The following DMD variants were observed in gnomAD, a reference collection of about 807,000 sequenced individuals.
DMD encodes dystrophin.
DMD carries 63 observed loss-of-function variants against 330.1 expected under a neutral mutation model. The observed-to-expected ratio is 0.19, with a 90% confidence interval of 0.16 to 0.24. DMD has a LOEUF of 0.24. Among genes scored for constraint, DMD ranks in the 10% least tolerant of loss-of-function variants. The probability of loss-of-function intolerance (pLI) is 1.00; values close to 1 mark genes in which losing one functional copy is unlikely to be tolerated. For synonymous variants in DMD, 1,223 were observed against 959.8 expected (o/e 1.27, Z -5.07); for missense variants, 3,344 against 2,684.1 (o/e 1.25, Z -5.43).
chrX:31,309,957 C>T (rs900285745), intron 62 of DMD, among the ~76,000 whole-genome samples: 4 of 111,115 alleles, frequency 3.6e-5, no homozygotes, highest in Non-Finnish European at 7.5e-5. Flanking sequence ...TCTAGCCAGG[C>T]CAGGTATACC....
intron 7 of DMD, among the ~76,000 whole-genome samples, chrX:32,699,949 A>G (rs1256607112): frequency 8.9e-6 from 1 of 112,151 alleles, no homozygotes; most frequent in Non-Finnish European, 1.9e-5. Flanking sequence ...AGACAAATGT[A>G]AAAGTCCCGC....
At chrX:32,727,772 C>A (rs1298218731) in intron 7 of DMD, among the ~76,000 whole-genome samples, 1 of 108,728 alleles carries the variant, frequency 9.2e-6, no homozygotes, top group Non-Finnish European at 1.9e-5. Context: ...CACACATATA[C>A]ATATTAGCCT....
At chrX:32,427,559 T>A (rs920238586) in intron 29 of DMD, among the ~76,000 whole-genome samples, 5 of 110,788 alleles carry the variant, frequency 4.5e-5, no homozygotes, top group African/African-American at 1.6e-4. Flanking sequence ...CTTTTCCTTA[T>A]TAATTTATGA....
At chrX:31,288,144 C>T (rs1327792763) in intron 62 of DMD, among the ~76,000 whole-genome samples, 1 of 108,285 alleles carries the variant, frequency 9.2e-6, no homozygotes, top group Non-Finnish European at 1.9e-5. Context: ...AAGAAACAGA[C>T]AAAAAAAAAG....
intron 17 of DMD, among the ~76,000 whole-genome samples, chrX:32,526,447 G>A (rs1340702524): frequency 2.7e-5 from 3 of 109,317 alleles, no homozygotes. Context: ...TGGCAAAAGT[G>A]TATTACTACA....
intron 44 of DMD, among the ~76,000 whole-genome samples, chrX:32,105,751 C>T (rs1436371527): frequency 9.0e-6 from 1 of 111,331 alleles, no homozygotes; most frequent in African/African-American, 3.3e-5. Context: ...TTTGATAATC[C>T]AGCATATAAT....
chrX:32,351,341 A>G (rs908147608), intron 37 of DMD, among the ~76,000 whole-genome samples: 3 of 110,892 alleles, frequency 2.7e-5, no homozygotes, highest in African/African-American at 9.8e-5. Flanking sequence ...GATTTGATGA[A>G]ATCATAACAT....
rs756770322 is a variant in DMD, at chrX:31,670,936, G to A, written c.7872+8439C>T. Among the ~76,000 whole-genome samples, 19 of 107,016 alleles carry A rather than the reference G, an allele frequency of 1.8e-4. No homozygotes were observed. The East Asian group carries it at 2.9e-3, about 16-fold the overall frequency. The allele number at this position is 107,016 out of a possible 115,157, so 92.9% of individuals were successfully genotyped here. On this transcript the variant is annotated intron_variant, in intron 53 of 78. Transcript: ENST00000357033. ...CTTCTTTTTTTTTTTTTTTTTAGAC[G>A]GAGTCTCGCTCTTTCGCCCAGGCCG...
At chrX:32,582,096 C>T (rs2053713904) in intron 13 of DMD, among the ~76,000 whole-genome samples, 1 of 111,247 alleles carries the variant, frequency 9.0e-6, no homozygotes, top group Admixed American at 9.6e-5. Context: ...AAAGTTCTTC[C>T]CTCTGAGACT....
intron 41 of DMD, among the ~76,000 whole-genome samples, chrX:32,323,914 T>C (rs1180664601): frequency 3.6e-5 from 4 of 111,722 alleles, no homozygotes; most frequent in Non-Finnish European, 5.7e-5. Context: ...CTATCTATCA[T>C]TTTTATATCT....
At chrX:32,730,515 AAG>A (rs1260195481) in intron 7 of DMD, among the ~76,000 whole-genome samples, 1 of 112,141 alleles carries the variant, frequency 8.9e-6, no homozygotes, top group Non-Finnish European at 1.9e-5. Flanking sequence ...CATAGGACAG[AAG>A]AGTGTCTTCC....
intron 1 of DMD, among the ~76,000 whole-genome samples, chrX:33,235,293 T>C (rs903571666): frequency 8.9e-6 from 1 of 111,854 alleles, no homozygotes; most frequent in Admixed American, 9.5e-5. Flanking sequence ...GCCTCCATTT[T>C]CAAGCTAGAA....
intron 44 of DMD, among the ~76,000 whole-genome samples, chrX:32,162,405 A>C (rs2096852845): frequency 9.1e-6 from 1 of 110,233 alleles, no homozygotes; most frequent in South Asian, 3.9e-4. Context: ...TACAACCATG[A>C]ACATAGAAGA....
At chrX:33,009,938 A>G (rs867033629) in intron 2 of DMD, among the ~76,000 whole-genome samples, 5 of 53,691 alleles carry the variant, frequency 9.3e-5, no homozygotes, top group East Asian at 8.3e-4. Flanking sequence ...ACATGTGTGT[A>G]TATACACGTG....
At chrX:33,328,390 G>A (rs772877482) in intron 1 of DMD, among the ~76,000 whole-genome samples, 1 of 109,973 alleles carries the variant, frequency 9.1e-6, no homozygotes, top group Admixed American at 9.8e-5. Context: ...TAGAGATGGG[G>A]TTTCACCATA....
intron 43 of DMD, among the ~76,000 whole-genome samples, chrX:32,284,291 G>A (rs974725799): frequency 9.0e-6 from 1 of 111,649 alleles, no homozygotes; most frequent in African/African-American, 3.3e-5. Context: ...TAGTAAGATA[G>A]CTTCATTCCA....
intron 7 of DMD, among the ~76,000 whole-genome samples, chrX:32,803,603 A>G (rs772481876): frequency 6.3e-5 from 7 of 111,894 alleles, no homozygotes; most frequent in Non-Finnish European, 1.3e-4. Context: ...TTAGTGCTAT[A>G]AATTTCCCTC....
At chrX:32,096,692 C>T (rs2096509099) in intron 44 of DMD, among the ~76,000 whole-genome samples, 1 of 111,094 alleles carries the variant, frequency 9.0e-6, no homozygotes, top group East Asian at 2.9e-4. Flanking sequence ...AGCTGAGGAC[C>T]CAGGTAGGTG....
At chrX:32,312,942 CAA>C (rs767993498) in intron 41 of DMD, among the ~76,000 whole-genome samples, 18 of 20,400 alleles carry the variant, frequency 8.8e-4, no homozygotes, top group South Asian at 7.9e-3. Context: ...GCCTACGAAC[CAA>C]AAAAAAAAAA....
Sources: gnomAD v4.1 joint callset for allele counts (sites outside exome capture counted in the v4.1 genomes callset) on GRCh38, gnomAD v4.1.1 for gene constraint, MANE v1.5 for transcripts, NCBI Gene and HGNC (gene_info 2026-07-23, HGNC 2026-07-21) for gene names.